Variants in ZBTB38 observed in about 807,000 individuals in gnomAD.
ZBTB38 encodes the protein zinc finger and BTB domain-containing protein 38.
Under a neutral mutation model 76.8 loss-of-function variants are expected in ZBTB38, and 20 were observed. The ratio of observed to expected loss-of-function variants is 0.26; its 90% CI spans 0.18 to 0.38. The LOEUF is 0.38. Among genes scored for constraint, ZBTB38 ranks in the 10% least tolerant of loss-of-function variants. ZBTB38 has a pLI of 1.00. For synonymous variants in ZBTB38, 504 were observed against 544.2 expected (o/e 0.93, Z 1.03); for missense variants, 1,082 against 1,482.3 (o/e 0.73, Z 4.43).
chr3:141,334,887 G>A (rs888027645), intron 1 of ZBTB38, among the ~76,000 whole-genome samples: 6 of 152,196 alleles, frequency 3.9e-5, no homozygotes, highest in Admixed American at 3.3e-4. Context: ...GATATGGAAG[G>A]CTAATCTTTC....
chr3:141,425,075 G>C (rs751908215), intron 5 of ZBTB38, among the ~76,000 whole-genome samples: 6 of 152,170 alleles, frequency 3.9e-5, no homozygotes, highest in Non-Finnish European at 8.8e-5. Context: ...TTTGCACAAG[G>C]TCACAGCCAG....
At chr3:141,416,752 C>G (rs2074136620) in intron 5 of ZBTB38, among the ~76,000 whole-genome samples, 1 of 152,176 alleles carries the variant, frequency 6.6e-6, no homozygotes, top group Non-Finnish European at 1.5e-5. Flanking sequence ...ACAGTAGAGA[C>G]ACTTGTAGAA....
At chr3:141,399,266 C>A (rs1268584261) in intron 4 of ZBTB38, among the ~76,000 whole-genome samples, 1 of 152,122 alleles carries the variant, frequency 6.6e-6, no homozygotes, top group African/African-American at 2.4e-5. Context: ...ATCCCCATTC[C>A]CCACCTCCCA....
At chr3:141,360,741 G>A (rs1943796845) in intron 1 of ZBTB38, among the ~76,000 whole-genome samples, 1 of 152,040 alleles carries the variant, frequency 6.6e-6, no homozygotes, top group Non-Finnish European at 1.5e-5. Flanking sequence ...TGGGGTCGGG[G>A]GGCTGTCCTG....
At chr3:141,374,061 C>T (rs188954308) in intron 2 of ZBTB38, among the ~76,000 whole-genome samples, 3 of 149,780 alleles carry the variant, frequency 2.0e-5, no homozygotes, top group East Asian at 2.0e-4. Flanking sequence ...ACCCAGGAGG[C>T]GGAGGTTGTG....
Position 141,393,357 on chromosome 3 carries a change from T to C in ZBTB38, c.-106+6420T>C, listed in dbSNP as rs369942505. ...TGAGCATGACGTAGAGTCCCTGCCC[T>C]GAGGGCCTTACAAGCCAGTGAAGCC... is the stretch of plus-strand genomic sequence containing the variant. On this transcript the variant is annotated intron_variant, in intron 4 of 5. Coordinates refer to ENST00000321464, the MANE Select transcript of ZBTB38 (RefSeq NM_001376113.1). Among the ~76,000 whole-genome samples the C allele has an allele frequency of 1.8e-4, 27 of 152,302 alleles. No individual in the cohort carries two copies. The East Asian group carries it at 4.8e-3, about 27-fold the overall frequency.
Position 141,340,987 on chromosome 3 carries a change from AAAGAGAAAG to A in ZBTB38, c.-739+16536_-739+16544del, listed in dbSNP as rs779413315. Among the ~76,000 whole-genome samples the A allele has an allele frequency of 2.9e-4, 42 of 142,900 alleles. No homozygotes were observed. The South Asian group carries it at 3.5e-3, about 12-fold the overall frequency. The allele number at this position is 142,900 out of a possible 152,430, so 93.7% of individuals were successfully genotyped here. A position where few individuals can be genotyped will look rare whatever the true frequency, so the allele number is the denominator to read the frequency against. The stretch of plus-strand genomic sequence containing the variant: ...GAAAGAAAGAAAGAAAGAAAGAAAG[AAAGAGAAAG>A]AAGAAAGAAAGAAAGAAAGAGAAAG... On this transcript the variant is annotated intron_variant, in intron 1 of 7. Coordinates refer to the ZBTB38 transcript ENST00000509842.
At chr3:141,360,367 C>T (rs897593222) in intron 1 of ZBTB38, among the ~76,000 whole-genome samples, 2 of 152,120 alleles carry the variant, frequency 1.3e-5, no homozygotes, top group African/African-American at 2.4e-5. Flanking sequence ...GAGGGATGAA[C>T]GTCTTAAGCT....
chr3:141,378,384 C>A (rs1248456916), intron 2 of ZBTB38, among the ~76,000 whole-genome samples: 1 of 151,922 alleles, frequency 6.6e-6, no homozygotes, highest in Admixed American at 6.6e-5. Flanking sequence ...ACACAGAGTG[C>A]ATGTAAAAAC....
chr3:141,412,464 A>G (rs1416854346), intron 5 of ZBTB38, among the ~76,000 whole-genome samples: 6 of 151,182 alleles, frequency 4.0e-5, no homozygotes, highest in Admixed American at 3.3e-4. Flanking sequence ...TCTACAGAAC[A>G]GTCTGTTCTT....
At position 141,413,318 on chromosome 3, in the gene ZBTB38, C is replaced by G. The variant is rs1014476226; in HGVS notation, c.-1+9287C>G. Reference sequence around the variant, plus strand: ...CACACCCCAGACGGTCAGAATGCTCCCCAGACTGAGGAATCAGCTGCACAT... The same window carrying G: ...CACACCCCAGACGGTCAGAATGCTCGCCAGACTGAGGAATCAGCTGCACAT... On this transcript the variant is annotated intron_variant, in intron 5 of 5. Transcript: ENST00000321464. This position sits in a 1 kb window ranked among gnomAD's most constrained non-coding sequence, Gnocchi z 4.1. 5.9e-5 allele frequency among the ~76,000 whole-genome samples: 9 copies of G among 152,148 alleles called. No homozygotes were observed. Among genetic ancestry groups the G allele is most frequent in the Non-Finnish European group, 1.0e-4 (7 of 68,022 alleles).
intron 5 of ZBTB38, among the ~76,000 whole-genome samples, chr3:141,424,129 T>G (rs373193766): frequency 3.3e-5 from 5 of 152,256 alleles, no homozygotes; most frequent in African/African-American, 1.2e-4. Context: ...GGAAATTTAT[T>G]GATGATCTAA....
chr3:141,375,898 G>A (rs940543114), intron 2 of ZBTB38, among the ~76,000 whole-genome samples: 4 of 152,206 alleles, frequency 2.6e-5, no homozygotes, highest in African/African-American at 9.7e-5. Flanking sequence ...CCTTCTGACA[G>A]CAGGAGAGTA....
At chr3:141,392,265 A>C (rs557030599) in intron 4 of ZBTB38, among the ~76,000 whole-genome samples, 102 of 152,256 alleles carry the variant, frequency 6.7e-4, no homozygotes, top group African/African-American at 2.4e-3. Flanking sequence ...GGCTGGTGGT[A>C]AAGGGGCTCT....
At position 141,444,417 on chromosome 3, in the gene ZBTB38, T is replaced by C; in HGVS notation, c.2029T>C (p.Ser677Pro). 6.2e-7 allele frequency: 1 copy of C among 1,614,028 alleles called. No individual in the cohort carries two copies. Among genetic ancestry groups the C allele is most frequent in the South Asian group, 1.1e-5 (1 of 91,090 alleles). The part of the protein sequence containing the change: ...NFYSTEVSVS[S>P]TENAVSSDLR... ...TTATTCAACTGAGGTGTCAGTTTCT[T>C]CCACTGAAAATGCTGTCAGTTCTGA... The change falls in exon 6 of 6, where the codon TCC becomes CCC. Residue 677 changes from serine to proline, a missense_variant. Ser to Pro is a moderately conservative substitution (Grantham distance 74). Coordinates refer to ENST00000321464, the MANE Select transcript of ZBTB38 (RefSeq NM_001376113.1). The surrounding 1 kb of genome is among the most constrained non-coding windows in gnomAD (Gnocchi z 5.1).
chr3:141,403,045 A>G (rs1472988927), intron 4 of ZBTB38: 1 of 152,214 alleles, frequency 6.6e-6, no homozygotes, highest in African/African-American at 2.4e-5. Context: ...GGTACAACAT[A>G]CAACACAACC....
intron 1 of ZBTB38, among the ~76,000 whole-genome samples, chr3:141,357,777 C>T (rs563465869): frequency 9.9e-5 from 15 of 152,220 alleles, no homozygotes; most frequent in African/African-American, 2.6e-4. Flanking sequence ...TGAACCACTG[C>T]GCCTGGCTAT....
In ZBTB38 at chr3:141,442,640, T is replaced by C; in HGVS notation, c.252T>C (p.Phe84=). The C allele has an allele frequency of 1.2e-6, 2 of 1,614,212 alleles. No homozygotes were observed. Among genetic ancestry groups the C allele is most frequent in the Non-Finnish European group, 8.5e-7 (1 of 1,180,016 alleles). ...LELDDLKAEV[F]TEILNYIYSS... ...TGGACGATCTCAAAGCTGAAGTGTTTACTGAAATACTTAATTATATCTACA... is the reference window on the plus strand; with the variant it reads ...TGGACGATCTCAAAGCTGAAGTGTTCACTGAAATACTTAATTATATCTACA... Residue 84 remains phenylalanine (F), a synonymous_variant, in exon 6 of 6, where the codon TTT becomes TTC. Coordinates refer to ENST00000321464, the MANE Select transcript of ZBTB38 (RefSeq NM_001376113.1). The surrounding 1 kb of genome is among the most constrained non-coding windows in gnomAD (Gnocchi z 6.4).
intron 1 of ZBTB38, chr3:141,324,544 A>G (rs563150446): frequency 6.2e-4 from 95 of 152,326 alleles, no homozygotes; most frequent in African/African-American, 2.0e-3. Context: ...TTTTCTCTAA[A>G]TGACCCTTGG....
Sources: gnomAD v4.1 joint callset for allele counts (sites outside exome capture counted in the v4.1 genomes callset) on GRCh38, gnomAD v4.1.1 for gene constraint, Gnocchi (gnomAD v3.1) non-coding constraint, MANE v1.5 for transcripts, NCBI Gene and HGNC (gene_info 2026-07-23, HGNC 2026-07-21) for gene names.